Variants in MARCHF1 observed in about 807,000 individuals in gnomAD.
MARCHF1 encodes membrane associated ring-CH-type finger 1, also known as E3 ubiquitin-protein ligase MARCHF1.
In MARCHF1, 40 loss-of-function variants were observed where a neutral mutation model predicts 54.2. The ratio of observed to expected loss-of-function variants is 0.74; its 90% CI spans 0.57 to 0.96. MARCHF1 has a LOEUF of 0.96. Among genes scored for constraint, MARCHF1 ranks in the 40% least tolerant of loss-of-function variants. The pLI is 0.00. For synonymous variants in MARCHF1, 236 were observed against 236.3 expected, an observed-to-expected ratio of 1.00 and a Z score of 0.01; for missense variants, 586 against 656.5, an observed-to-expected ratio of 0.89 and a Z score of 1.17.
At chr4:163,702,851 G>A (rs1995978) in intron 4 of MARCHF1, among the ~76,000 whole-genome samples, 2,041 of 152,192 alleles carry the variant, frequency 0.013, 59 homozygotes, top group African/African-American at 0.047. Context: ...TTTTTGCCAC[G>A]GCTACGTTCT....
intron 3 of MARCHF1, among the ~76,000 whole-genome samples, chr4:163,897,121 G>C (rs1750826812): frequency 6.6e-6 from 1 of 152,112 alleles, no homozygotes; most frequent in Non-Finnish European, 1.5e-5. Context: ...AATTTTTATG[G>C]AGTAACACTA....
rs563835546 is a variant in MARCHF1, at chr4:164,087,167, T to C, written c.-248+24421A>G. Among the ~76,000 whole-genome samples the C allele has an allele frequency of 8.5e-5, 13 of 152,098 alleles. No individual in the cohort carries two copies. The East Asian group carries it at 2.5e-3, about 29-fold the overall frequency. ...GATGTTTTGGTCAATTTACTGAAAA[T>C]TTTCTTTTTTCTAAATAATTAAGAA... is the stretch of plus-strand genomic sequence containing the variant. On this transcript the variant is annotated intron_variant, in intron 2 of 9. Coordinates refer to ENST00000514618, the MANE Select transcript of MARCHF1 (RefSeq NM_001394959.1).
At chr4:163,806,239 CCTT>C (rs1188451028) in intron 4 of MARCHF1, among the ~76,000 whole-genome samples, 1 of 152,204 alleles carries the variant, frequency 6.6e-6, no homozygotes, top group Non-Finnish European at 1.5e-5. Context: ...TGTCTGACAT[CCTT>C]CTTTTATTTC....
chr4:164,228,246 A>C (rs1019316665), intron 1 of MARCHF1, among the ~76,000 whole-genome samples: 9 of 152,292 alleles, frequency 5.9e-5, no homozygotes, highest in Non-Finnish European at 8.8e-5. Flanking sequence ...TTTCCCCTTG[A>C]TGACAGCGGG....
chr4:163,831,948 C>A (rs563986336), intron 4 of MARCHF1, among the ~76,000 whole-genome samples: 39 of 152,268 alleles, frequency 2.6e-4, no homozygotes, highest in Admixed American at 5.2e-4. Flanking sequence ...TAGAGAGTGG[C>A]AGGGCCATTG....
chr4:163,817,122 T>A (rs1300079122), intron 4 of MARCHF1, among the ~76,000 whole-genome samples: 1 of 152,072 alleles, frequency 6.6e-6, no homozygotes, highest in Non-Finnish European at 1.5e-5. Context: ...CCAGGGTATT[T>A]TGGAAACGCC....
intron 4 of MARCHF1, among the ~76,000 whole-genome samples, chr4:163,792,064 C>G (rs751901277): frequency 2.6e-5 from 4 of 152,160 alleles, no homozygotes; most frequent in South Asian, 2.1e-4. Flanking sequence ...TATCAGAATA[C>G]TTCCTTTCAC....
intron 4 of MARCHF1, among the ~76,000 whole-genome samples, chr4:163,753,135 CT>C (rs1746572592): frequency 6.6e-6 from 1 of 151,982 alleles, no homozygotes; most frequent in South Asian, 2.1e-4. Flanking sequence ...CTTATTTGAA[CT>C]AGATGATCCC....
intron 3 of MARCHF1, among the ~76,000 whole-genome samples, chr4:163,988,150 G>A (rs1049911430): frequency 2.6e-5 from 4 of 152,256 alleles, no homozygotes; most frequent in Non-Finnish European, 4.4e-5. Flanking sequence ...GTTCCACTAT[G>A]TGAAAATGTA....
chr4:164,129,897 A>G (rs1322276630), intron 1 of MARCHF1: 1 of 152,170 alleles, frequency 6.6e-6, no homozygotes, highest in Admixed American at 6.6e-5. Context: ...ACATTTACCT[A>G]TGTAACAAAC....
At chr4:163,992,280 T>C (rs1274499441) in intron 2 of MARCHF1, among the ~76,000 whole-genome samples, 3 of 152,110 alleles carry the variant, frequency 2.0e-5, no homozygotes, top group African/African-American at 7.2e-5. Context: ...GCAGGTAATG[T>C]ATAAAATTAT....
intron 1 of MARCHF1, among the ~76,000 whole-genome samples, chr4:164,359,492 A>T (rs1032496512): frequency 6.6e-6 from 1 of 152,140 alleles, no homozygotes; most frequent in African/African-American, 2.4e-5. Flanking sequence ...GCTCATCTGA[A>T]GTCCTTACTT....
At chr4:163,536,369 CTG>C (rs1738528986) in intron 9 of MARCHF1, among the ~76,000 whole-genome samples, 1 of 152,074 alleles carries the variant, frequency 6.6e-6, no homozygotes, top group Non-Finnish European at 1.5e-5. Flanking sequence ...TTTTTTCTTT[CTG>C]TGTTTTGCTT....
At chr4:163,904,092 ATTAC>A (rs1013076229) in intron 3 of MARCHF1, among the ~76,000 whole-genome samples, 3 of 152,198 alleles carry the variant, frequency 2.0e-5, no homozygotes, top group Non-Finnish European at 4.4e-5. Context: ...ACTTATAAGA[ATTAC>A]TTAACTGTGA....
intron 4 of MARCHF1, among the ~76,000 whole-genome samples, chr4:163,785,444 A>C (rs1416808063): frequency 6.6e-6 from 1 of 152,034 alleles, no homozygotes; most frequent in Non-Finnish European, 1.5e-5. Context: ...GATGTTGTTG[A>C]ATATTAATTT....
intron 2 of MARCHF1, among the ~76,000 whole-genome samples, chr4:164,083,992 T>C (rs1200766887): frequency 6.6e-6 from 1 of 152,086 alleles, no homozygotes; most frequent in Non-Finnish European, 1.5e-5. Context: ...GTTTCTATGA[T>C]ATAAAAACTC....
intron 1 of MARCHF1, among the ~76,000 whole-genome samples, chr4:164,242,755 A>G (rs1269959857): frequency 2.0e-4 from 30 of 152,342 alleles, no homozygotes; most frequent in African/African-American, 6.5e-4. Context: ...ATGTATAACT[A>G]GAATAACCAA....
intron 1 of MARCHF1, among the ~76,000 whole-genome samples, chr4:164,293,174 C>A (rs1734325198): frequency 2.0e-5 from 3 of 152,030 alleles, no homozygotes; most frequent in Admixed American, 1.3e-4. Context: ...TCCTGCATAG[C>A]CTATATCTTG....
chr4:163,920,557 C>G (rs556475598), intron 3 of MARCHF1, among the ~76,000 whole-genome samples: 4 of 152,240 alleles, frequency 2.6e-5, no homozygotes, highest in Non-Finnish European at 4.4e-5. Flanking sequence ...TGGAGACAGA[C>G]TGCTGACCCT....
Sources: gnomAD v4.1 joint callset for allele counts (sites outside exome capture counted in the v4.1 genomes callset) on GRCh38, gnomAD v4.1.1 for gene constraint, MANE v1.5 for transcripts, NCBI Gene and HGNC (gene_info 2026-07-23, HGNC 2026-07-21) for gene names.